FZD3: variants seen among roughly 807,000 people sequenced by gnomAD.
FZD3 encodes the protein frizzled class receptor 3, also known as frizzled-3.
In FZD3, 30 loss-of-function variants were observed where a neutral mutation model predicts 60.7. The observed-to-expected ratio is 0.49, with a 90% CI of 0.37 to 0.67. The LOEUF (loss-of-function observed/expected upper bound fraction) is 0.67. Ranked by LOEUF, FZD3 falls within the 30% of genes least tolerant of loss-of-function variation. The pLI, the probability that FZD3 is intolerant of heterozygous loss-of-function variation, is 0.00. For synonymous variants in FZD3, 246 were observed against 275.2 expected, an observed-to-expected ratio of 0.89 and a Z score of 1.05; for missense variants, 605 against 838.7, an observed-to-expected ratio of 0.72 and a Z score of 3.44.
At chr8:28,546,859 C>T (rs1805305981) in intron 5 of FZD3, among the ~76,000 whole-genome samples, 1 of 151,840 alleles carries the variant, frequency 6.6e-6, no homozygotes, top group East Asian at 1.9e-4. Context: ...CCTGTAGTCC[C>T]AGCTACTCTG....
intron 5 of FZD3, among the ~76,000 whole-genome samples, chr8:28,550,550 A>G (rs1805389422): frequency 1.6e-5 from 2 of 122,140 alleles, no homozygotes; most frequent in African/African-American, 6.5e-5. Context: ...GGAGTGCAGT[A>G]GCACAATCTT....
At chr8:28,517,443 ACTT>A (rs1361433316) in intron 3 of FZD3, among the ~76,000 whole-genome samples, 4 of 152,226 alleles carry the variant, frequency 2.6e-5, no homozygotes, top group Admixed American at 1.3e-4. Context: ...GGTTTGCACA[ACTT>A]CTCAAATCTG....
At chr8:28,530,114 TG>T (rs1804826581) in intron 5 of FZD3, among the ~76,000 whole-genome samples, 2 of 138,332 alleles carry the variant, frequency 1.4e-5, no homozygotes, top group African/African-American at 2.6e-5. Context: ...TGTGTGTGTG[TG>T]TGTGTGTGTG....
rs1320146548 is a variant in FZD3 at position 28,569,902 on chromosome 8, A to C, written c.*6891A>C. ...AAATGTATTCAAGATCAAATTAGTG[A>C]ACAAAGCAATGGTTCGTATGGCTAA... On this transcript the variant is annotated 3_prime_UTR_variant, in exon 8 of 8. Coordinates refer to ENST00000240093, the MANE Select transcript of FZD3 (RefSeq NM_017412.4). 1 of 152,226 alleles carries C rather than the reference A, an allele frequency of 6.6e-6. No homozygotes were observed. The highest frequency in any genetic ancestry group is 1.5e-5 in the Non-Finnish European group (1 of 68,040). 9.4% of individuals were successfully genotyped at this position (152,226 alleles called of 1,614,324 possible).
Position 28,528,077 on chromosome 8 carries a change from C to T in FZD3, c.1317C>T (p.Tyr439=), listed in dbSNP as rs750667980. 1.4e-5 allele frequency: 23 copies of T among 1,613,874 alleles called. No individual in the cohort carries two copies. Among genetic ancestry groups the T allele is most frequent in the Non-Finnish European group, 1.9e-5 (22 of 1,179,818 alleles). The change falls in exon 5 of 8, where the codon TAC becomes TAT. Residue 439 remains tyrosine (Y), a synonymous_variant. Transcript: ENST00000240093. ...LVPLLVVIGC[Y]FYEQAYRGIW... ...CACTCTTGGTTGTAATTGGATGCTA[C>T]TTTTATGAGCAAGCTTACCGGGGCA...
chr8:28,533,768 A>G (rs1804938938), intron 5 of FZD3, among the ~76,000 whole-genome samples: 1 of 152,256 alleles, frequency 6.6e-6, no homozygotes, highest in Middle Eastern at 3.4e-3. Context: ...ATTCCCTCCA[A>G]CGTGTATTTT....
rs1237282661 is a variant in FZD3 at position 28,565,778 on chromosome 8, G to A, written c.*2767G>A. ...TTTTAAACAACAGTATTCAGTTTGG[G>A]CAGCAGTTTTAAGTCTAACTAGCTT... is the stretch of plus-strand genomic sequence containing the variant. On this transcript the variant is annotated 3_prime_UTR_variant, in exon 8 of 8. Coordinates refer to ENST00000240093, the MANE Select transcript of FZD3 (RefSeq NM_017412.4). 6.6e-6 allele frequency: 1 copy of A among 152,060 alleles called. No individual in the cohort carries two copies. The highest frequency in any genetic ancestry group is 1.9e-4 in the East Asian group (1 of 5,192). The allele number at this position is 152,060 out of a possible 1,614,324, so 9.4% of individuals were successfully genotyped here.
rs1805745892 is a variant in FZD3 at position 28,568,541 on chromosome 8, A to G, written c.*5530A>G. The G allele has an allele frequency of 1.3e-5, 2 of 152,146 alleles. No homozygotes were observed. Among genetic ancestry groups the G allele is most frequent in the South Asian group, 4.1e-4 (2 of 4,830 alleles). The allele number at this position is 152,146 out of a possible 1,614,324, so 9.4% of individuals were successfully genotyped here. ...TTTCTCTCAGGATCCAAGTCTTCTAAGAATGAAAATGTTGAAGTCTACCCA... is the reference window on the plus strand; with the variant it reads ...TTTCTCTCAGGATCCAAGTCTTCTAGGAATGAAAATGTTGAAGTCTACCCA... On this transcript the variant is annotated 3_prime_UTR_variant, in exon 8 of 8. Transcript: ENST00000240093.
chr8:28,563,397 A>C lies in FZD3; in HGVS notation c.*386A>C, dbSNP rs533434202. 8.1e-5 allele frequency: 14 copies of C among 172,150 alleles called. No individual in the cohort carries two copies. Among genetic ancestry groups the C allele is most frequent in the African/African-American group, 3.3e-4 (14 of 41,956 alleles). The allele number at this position is 172,150 out of a possible 1,614,324, so 10.7% of individuals were successfully genotyped here. A position where few individuals can be genotyped will look rare whatever the true frequency, so the allele number is the denominator to read the frequency against. On this transcript the variant is annotated 3_prime_UTR_variant, in exon 8 of 8. Transcript: ENST00000240093. ...ACATTCTGGTAGCTCAGTTAATAAA[A>C]CAATTTCAGAATTAAAGAAATTTTC...
Position 28,573,920 on chromosome 8 carries a change from G to A in FZD3, c.*10909G>A, listed in dbSNP as rs945210031. ...TCATATAAACATCTAATTAGAAAGT[G>A]TTTATGCTAAAGACTTGTATTTTGT... On this transcript the variant is annotated 3_prime_UTR_variant, in exon 8 of 8. Coordinates refer to ENST00000240093, the MANE Select transcript of FZD3 (RefSeq NM_017412.4). 5.9e-5 allele frequency: 9 copies of A among 152,128 alleles called. No individual in the cohort carries two copies. The highest frequency in any genetic ancestry group is 1.0e-4 in the Non-Finnish European group (7 of 68,000). The allele number at this position is 152,128 out of a possible 1,614,324, so 9.4% of individuals were successfully genotyped here. A position where few individuals can be genotyped will look rare whatever the true frequency, so the allele number is the denominator to read the frequency against.
intron 4 of FZD3, among the ~76,000 whole-genome samples, chr8:28,521,565 G>A (rs894268151): frequency 6.6e-6 from 1 of 152,034 alleles, no homozygotes; most frequent in African/African-American, 2.4e-5. Flanking sequence ...AGGTAGAATT[G>A]AAGGTTTTCC....
Position 28,571,877 on chromosome 8 carries a change from C to T in FZD3, c.*8866C>T, listed in dbSNP as rs866453510. The T allele has an allele frequency of 6.6e-6, 1 of 152,074 alleles. No individual in the cohort carries two copies. Among genetic ancestry groups the T allele is most frequent in the Admixed American group, 6.6e-5 (1 of 15,266 alleles). The allele number at this position is 152,074 out of a possible 1,614,324, so 9.4% of individuals were successfully genotyped here. Reference sequence around the variant, plus strand: ...TTTAATAGAACAATGGAAGCTGTTTCGTCAAAATTAAAATACTTTACCAAA... The same window carrying T: ...TTTAATAGAACAATGGAAGCTGTTTTGTCAAAATTAAAATACTTTACCAAA... On this transcript the variant is annotated 3_prime_UTR_variant, in exon 8 of 8. Coordinates refer to ENST00000240093, the MANE Select transcript of FZD3 (RefSeq NM_017412.4).
chr8:28,509,522 A>G (rs1804229687), intron 3 of FZD3, among the ~76,000 whole-genome samples: 1 of 152,158 alleles, frequency 6.6e-6, no homozygotes. Context: ...ACATAATTAC[A>G]ATTCCATCTC....
intron 5 of FZD3, among the ~76,000 whole-genome samples, chr8:28,551,009 C>T (rs913824041): frequency 4.6e-5 from 7 of 152,090 alleles, no homozygotes; most frequent in African/African-American, 7.2e-5. Flanking sequence ...GCCTCTCTCC[C>T]GCCATTGTAC....
Position 28,563,100 on chromosome 8 carries a change from G to C in FZD3, c.*89G>C. The C allele has an allele frequency of 1.2e-6, 1 of 835,606 alleles. No individual in the cohort carries two copies. The highest frequency in any genetic ancestry group is 2.1e-6 in the Non-Finnish European group (1 of 482,662). 51.8% of individuals were successfully genotyped at this position (835,606 alleles called of 1,614,324 possible). ...GCATGACTGATAGCTGTAACTCACA[G>C]TTAACATGCTTTCAGTCAAGTACAG... On this transcript the variant is annotated 3_prime_UTR_variant, in exon 8 of 8. Transcript: ENST00000240093.
chr8:28,569,735 G>T lies in FZD3; in HGVS notation c.*6724G>T, dbSNP rs1805771872. On this transcript the variant is annotated 3_prime_UTR_variant, in exon 8 of 8. Coordinates refer to ENST00000240093, the MANE Select transcript of FZD3 (RefSeq NM_017412.4). ...AAATGAAAGAAAGTTATAAATATTGGACATGGCTTTTTTAAATGGGAAAGT... is the reference window on the plus strand; with the variant it reads ...AAATGAAAGAAAGTTATAAATATTGTACATGGCTTTTTTAAATGGGAAAGT... 6.6e-6 allele frequency: 1 copy of T among 152,098 alleles called. No individual in the cohort carries two copies. The highest frequency in any genetic ancestry group is 2.4e-5 in the African/African-American group (1 of 41,426). The allele number at this position is 152,098 out of a possible 1,614,324, so 9.4% of individuals were successfully genotyped here.
chr8:28,544,448 A>G (rs548262022), intron 5 of FZD3, among the ~76,000 whole-genome samples: 1 of 152,184 alleles, frequency 6.6e-6, no homozygotes, highest in Admixed American at 6.5e-5. Context: ...GATATTCACT[A>G]TATACTGTAG....
At position 28,565,177 on chromosome 8, in the gene FZD3, T is replaced by C. The variant is rs752395366; in HGVS notation, c.*2166T>C. The stretch of plus-strand genomic sequence containing the variant: ...ATTATGTTATATATTTCAAAGTACA[T>C]GTATGATAATATGACTTATTCTTCA... On this transcript the variant is annotated 3_prime_UTR_variant, in exon 8 of 8. Coordinates refer to ENST00000240093, the MANE Select transcript of FZD3 (RefSeq NM_017412.4). 1 of 152,220 alleles carries C rather than the reference T, an allele frequency of 6.6e-6. No homozygotes were observed. The highest frequency in any genetic ancestry group is 1.5e-5 in the Non-Finnish European group (1 of 68,018). The allele number at this position is 152,220 out of a possible 1,614,324, so 9.4% of individuals were successfully genotyped here.
Position 28,527,184 on chromosome 8 carries a change from G to T in FZD3, c.424G>T (p.Asp142Tyr). Reference protein sequence around the residue: ...DCDEPYPRLVDLNLAGEPTEG... With the variant: ...DCDEPYPRLVYLNLAGEPTEG... ...TGATGAGCCATATCCTCGACTTGTGGATCTGAATTTAGCTGGAGAACCAAC... is the reference window on the plus strand; with the variant it reads ...TGATGAGCCATATCCTCGACTTGTGTATCTGAATTTAGCTGGAGAACCAAC... The change falls in exon 5 of 8, where the codon GAT becomes TAT. Residue 142 changes from aspartate (D) to tyrosine (Y), a missense_variant. Coordinates refer to ENST00000240093, the MANE Select transcript of FZD3 (RefSeq NM_017412.4). This position sits in a 1 kb window ranked among gnomAD's most constrained non-coding sequence, Gnocchi z 5.0. 2 of 1,613,234 alleles carry T rather than the reference G, an allele frequency of 1.2e-6. No individual in the cohort carries two copies. The highest frequency in any genetic ancestry group is 1.7e-6 in the Non-Finnish European group (2 of 1,179,698).
Sources: allele counts gnomAD v4.1 joint callset (sites outside exome capture counted in the v4.1 genomes callset), GRCh38; gene constraint gnomAD v4.1.1; non-coding constraint Gnocchi (gnomAD v3.1); transcripts MANE v1.5; gene names NCBI Gene and HGNC (gene_info 2026-07-23, HGNC 2026-07-21).